Variants in S100Z observed in about 807,000 individuals in gnomAD.
The protein encoded by S100Z is S100 calcium binding protein Z, also known as protein S100-Z.
Under a neutral mutation model 8.5 loss-of-function variants are expected in S100Z, and 11 were observed. The ratio of observed to expected loss-of-function variants is 1.30; its 90% confidence interval spans 0.82 to 2.15. The LOEUF is 2.15. S100Z is among the 30% of genes most tolerant of loss of function. S100Z has a pLI of 0.00. For missense variants in S100Z, 126 were observed against 117.9 expected (o/e 1.07, Z -0.32); for synonymous variants, 34 against 43.8 (o/e 0.78, Z 0.89).
At chr5:76,951,240 G>A in the S100Z span, among the ~76,000 whole-genome samples, 16 of 152,346 alleles carry the variant, frequency 1.1e-4, no homozygotes, top group African/African-American at 3.6e-4. Context: ...CTTGCTGTGT[G>A]TGGTTCCTGA....
chr5:76,889,757 A>G (rs1409262666), intron 4 of S100Z, among the ~76,000 whole-genome samples: 2 of 152,246 alleles, frequency 1.3e-5, no homozygotes, highest in Non-Finnish European at 2.9e-5. Flanking sequence ...GGAACACACA[A>G]TTTTGTAGAA....
At chr5:76,853,512 C>T (rs1179805954) in intron 1 of S100Z, among the ~76,000 whole-genome samples, 3 of 152,094 alleles carry the variant, frequency 2.0e-5, no homozygotes, top group African/African-American at 7.2e-5. Context: ...TTGTAATCCC[C>T]AGGCCGGATG....
At chr5:76,888,334 CTT>C (rs796243926) in intron 4 of S100Z, among the ~76,000 whole-genome samples, 139 of 44,512 alleles carry the variant, frequency 3.1e-3, no homozygotes, top group African/African-American at 0.01. Flanking sequence ...GGGAAGTTTT[CTT>C]TTTTTTTTTT....
intron 3 of S100Z, 49 bp from the exon 4 acceptor site, chr5:76,877,625 A>T (rs1168243117): frequency 9.0e-7 from 1 of 1,114,262 alleles, no homozygotes; most frequent in Admixed American, 2.1e-5. Flanking sequence ...TTCAATTGTC[A>T]TCATGAACCT....
chr5:76,910,944 T>C (rs527863638), intron 4 of S100Z, among the ~76,000 whole-genome samples: 1 of 152,226 alleles, frequency 6.6e-6, no homozygotes, highest in Non-Finnish European at 1.5e-5. Context: ...TTTCTTGTTA[T>C]GCCTGAAAGT....
At chr5:76,877,522 G>A in intron 3 of S100Z, 152 bp from the exon 4 acceptor site, 1 of 586,144 alleles carries the variant, frequency 1.7e-6, no homozygotes, top group Non-Finnish European at 3.0e-6. Context: ...TTCGTGGCTG[G>A]TTTACACCTA....
At chr5:76,901,717 C>A (rs1407547369) in intron 4 of S100Z, among the ~76,000 whole-genome samples, 1 of 152,168 alleles carries the variant, frequency 6.6e-6, no homozygotes, top group Non-Finnish European at 1.5e-5. Context: ...GCTCTATTCC[C>A]CTGTGGCTGT....
At chr5:76,943,314 A>G in the S100Z span, among the ~76,000 whole-genome samples, 3 of 152,292 alleles carry the variant, frequency 2.0e-5, no homozygotes, top group South Asian at 6.2e-4. Flanking sequence ...GACTTCTTTC[A>G]TGGTGGCTCA....
chr5:76,913,870 T>C (rs1327028337), intron 4 of S100Z, among the ~76,000 whole-genome samples: 1 of 152,052 alleles, frequency 6.6e-6, no homozygotes, highest in Non-Finnish European at 1.5e-5. Context: ...GCTTCTGAAA[T>C]CAGACAACAC....
chr5:76,867,264 C>T (rs7727633), intron 1 of S100Z, among the ~76,000 whole-genome samples: 207 of 152,280 alleles, frequency 1.4e-3, no homozygotes, highest in African/African-American at 4.9e-3. Context: ...ACTGAGATTC[C>T]TCATGCTGTT....
intron 1 of S100Z, among the ~76,000 whole-genome samples, 176 bp downstream of exon 1, chr5:76,850,331 T>C (rs1012942095): frequency 1.3e-5 from 1 of 79,730 alleles, no homozygotes; most frequent in Non-Finnish European, 2.9e-5. Flanking sequence ...GTCGGGGGGG[T>C]GGGGGAGAGA....
chr5:76,910,386 A>G (rs182899794), intron 4 of S100Z, among the ~76,000 whole-genome samples: 2 of 152,278 alleles, frequency 1.3e-5, no homozygotes, highest in Non-Finnish European at 2.9e-5. Flanking sequence ...AGGGACCAAG[A>G]GGAAGAGGCC....
chr5:76,906,139 T>C (rs1439619640), intron 4 of S100Z, among the ~76,000 whole-genome samples: 1 of 152,220 alleles, frequency 6.6e-6, no homozygotes, highest in Non-Finnish European at 1.5e-5. Context: ...CAAAAACATC[T>C]TTTATGTTTT....
rs568395097 is a variant in S100Z, at chr5:76,875,397, T to G, written c.38T>G (p.Ile13Ser). Residue 13 changes from isoleucine to serine, a missense_variant, in exon 3 of 5, where the codon ATT becomes AGT. Coordinates refer to ENST00000317593, the MANE Select transcript of S100Z (RefSeq NM_130772.4). The part of the protein sequence containing the change: ...TQLEMAMDTM[I>S]RIFHRYSGKE... ...CTCGAGATGGCCATGGACACCATGA[T>G]TAGAATCTTCCACCGCTATTCTGGC... The G allele has an allele frequency of 2.5e-6, 4 of 1,613,320 alleles. No homozygotes were observed. In the African/African-American group the frequency reaches 4.0e-5, roughly 16 times the overall value.
chr5:76,950,961 C>T, the S100Z span, among the ~76,000 whole-genome samples: 239 of 152,202 alleles, frequency 1.6e-3, 2 homozygotes, highest in Non-Finnish European at 2.9e-3. Context: ...TTCTCCTTGT[C>T]TTCCAATTTA....
At chr5:76,945,349 G>A in the S100Z span, among the ~76,000 whole-genome samples, 29 of 152,264 alleles carry the variant, frequency 1.9e-4, no homozygotes, top group South Asian at 8.3e-4. Flanking sequence ...AGACCTGACC[G>A]TCCCCCAGCC....
At chr5:76,943,032 T>G in the S100Z span, among the ~76,000 whole-genome samples, 3 of 152,224 alleles carry the variant, frequency 2.0e-5, no homozygotes, top group African/African-American at 7.2e-5. Context: ...TATTATACTT[T>G]AAGTTTTAGG....
intron 4 of S100Z, among the ~76,000 whole-genome samples, chr5:76,908,810 A>G (rs1473680721): frequency 6.6e-6 from 1 of 152,220 alleles, no homozygotes; most frequent in Non-Finnish European, 1.5e-5. Flanking sequence ...ATATCTTTAT[A>G]GGACAGGCGT....
Position 76,877,846 on chromosome 5 carries a change from G to A in S100Z, c.*2+12G>A. On this transcript the variant is annotated intron_variant, in intron 4 of 4. Coordinates refer to ENST00000317593, the MANE Select transcript of S100Z (RefSeq NM_130772.4). Reference sequence around the variant, plus strand: ...AAAGGAAAATAAAGGTAAGTAATAAGCTCATCTAAAGGCAGAAATATATCC... The same window carrying A: ...AAAGGAAAATAAAGGTAAGTAATAAACTCATCTAAAGGCAGAAATATATCC... 1 of 1,591,920 alleles carries A rather than the reference G, an allele frequency of 6.3e-7. No individual in the cohort carries two copies. The highest frequency in any genetic ancestry group is 1.1e-5 in the South Asian group (1 of 90,568).
Sources: allele counts gnomAD v4.1 joint callset (sites outside exome capture counted in the v4.1 genomes callset), GRCh38; gene constraint gnomAD v4.1.1; transcripts MANE v1.5; gene names NCBI Gene and HGNC (gene_info 2026-07-23, HGNC 2026-07-21).